Variants in GABBR2 observed in about 807,000 individuals in gnomAD.
GABBR2 encodes G-protein coupled receptor 51.
A neutral mutation model predicts 105.6 loss-of-function variants in GABBR2; 23 were observed. The ratio of observed to expected loss-of-function variants is 0.22; its 90% CI spans 0.16 to 0.31. GABBR2 has a LOEUF of 0.31. GABBR2 is among the 10% of genes least tolerant of loss of function. The probability of loss-of-function intolerance (pLI) is 1.00; values close to 1 mark genes in which losing one functional copy is unlikely to be tolerated. For synonymous variants in GABBR2, 478 were observed against 499.7 expected, an observed-to-expected ratio of 0.96 and a Z score of 0.58; for missense variants, 734 against 1,245.5, an observed-to-expected ratio of 0.59 and a Z score of 6.18.
At chr9:98,630,748 T>A (rs1829805363) in intron 1 of GABBR2, among the ~76,000 whole-genome samples, 1 of 151,964 alleles carries the variant, frequency 6.6e-6, no homozygotes. Context: ...AAGTCTCTGT[T>A]AAAAAAATGA....
intron 13 of GABBR2, among the ~76,000 whole-genome samples, chr9:98,347,664 G>A (rs509964): frequency 0.54 from 82,032 of 152,004 alleles, 24,544 homozygotes; most frequent in Admixed American, 0.66. Context: ...ATGTTTTGAA[G>A]CATTTCCCCT....
intron 4 of GABBR2, among the ~76,000 whole-genome samples, chr9:98,486,059 C>T (rs1474771548): frequency 6.6e-6 from 1 of 152,216 alleles, no homozygotes; most frequent in Admixed American, 6.5e-5. Context: ...GCTCCTCCTG[C>T]CTCATCCTGC....
intron 6 of GABBR2, among the ~76,000 whole-genome samples, chr9:98,472,631 T>C (rs1464639282): frequency 6.6e-6 from 1 of 152,204 alleles, no homozygotes; most frequent in African/African-American, 2.4e-5. Flanking sequence ...CCTAAAAATA[T>C]ATATCCACAC....
intron 14 of GABBR2, among the ~76,000 whole-genome samples, chr9:98,309,395 T>G (rs1564011009): frequency 6.6e-6 from 1 of 152,318 alleles, no homozygotes; most frequent in East Asian, 1.9e-4. Flanking sequence ...GATGGAAGGA[T>G]CACGGAGACA....
chr9:98,563,893 GA>G (rs542610241), intron 2 of GABBR2, among the ~76,000 whole-genome samples: 1 of 151,958 alleles, frequency 6.6e-6, no homozygotes, highest in Non-Finnish European at 1.5e-5. Context: ...GCTCTATTTA[GA>G]AAAAAAATCA....
intron 15 of GABBR2, 32 bp from the exon 16 acceptor site, chr9:98,303,455 G>C: frequency 1.3e-6 from 2 of 1,598,246 alleles, no homozygotes. Flanking sequence ...CGGGGTTGAA[G>C]AGAGAGCCTT....
intron 13 of GABBR2, among the ~76,000 whole-genome samples, chr9:98,331,456 C>T (rs1831024945): frequency 6.9e-6 from 1 of 144,460 alleles, no homozygotes; most frequent in Admixed American, 7.1e-5. Context: ...GAGCAGCCAC[C>T]TCCTCTGCGT....
At chr9:98,662,477 TTAG>T (rs1830276754) in intron 1 of GABBR2, among the ~76,000 whole-genome samples, 1 of 152,156 alleles carries the variant, frequency 6.6e-6, no homozygotes, top group South Asian at 2.1e-4. Context: ...AAGACACTTC[TTAG>T]TAGCATATAA....
intron 7 of GABBR2, among the ~76,000 whole-genome samples, chr9:98,421,364 T>C (rs912167390): frequency 1.3e-5 from 2 of 151,982 alleles, no homozygotes; most frequent in Non-Finnish European, 2.9e-5. Context: ...CAGGAAACAA[T>C]GTACAATCTT....
intron 3 of GABBR2, among the ~76,000 whole-genome samples, chr9:98,516,816 G>C (rs1022688726): frequency 1.3e-5 from 2 of 152,166 alleles, no homozygotes; most frequent in African/African-American, 4.8e-5. Flanking sequence ...CAGAGTTTAG[G>C]GCAGCAGCTT....
At chr9:98,699,581 C>T (rs1406660050) in intron 1 of GABBR2, among the ~76,000 whole-genome samples, 1 of 152,136 alleles carries the variant, frequency 6.6e-6, no homozygotes, top group Non-Finnish European at 1.5e-5. Flanking sequence ...TGTGCCTGGC[C>T]CTGAGATAGT....
chr9:98,344,731 T>C (rs1339635367), intron 13 of GABBR2, among the ~76,000 whole-genome samples: 1 of 152,166 alleles, frequency 6.6e-6, no homozygotes, highest in Non-Finnish European at 1.5e-5. Flanking sequence ...AATCACTCAG[T>C]GATTCCCGGG....
At chr9:98,583,141 G>A (rs911518679) in intron 1 of GABBR2, among the ~76,000 whole-genome samples, 2 of 152,218 alleles carry the variant, frequency 1.3e-5, no homozygotes, top group African/African-American at 4.8e-5. Flanking sequence ...TGGGCACCAA[G>A]CATGCTTCCC....
At chr9:98,417,033 C>T (rs1158302322) in intron 7 of GABBR2, among the ~76,000 whole-genome samples, 1 of 152,188 alleles carries the variant, frequency 6.6e-6, no homozygotes, top group African/African-American at 2.4e-5. Context: ...GCTCCCGGCT[C>T]CTTCCTCCAC....
chr9:98,538,235 G>T (rs1490338886), intron 3 of GABBR2, among the ~76,000 whole-genome samples: 1 of 152,170 alleles, frequency 6.6e-6, no homozygotes. Flanking sequence ...ATGAGGCCTA[G>T]GATCTCACAG....
intron 6 of GABBR2, among the ~76,000 whole-genome samples, chr9:98,463,597 CTCTCCG>C (rs1161697396): frequency 2.2e-5 from 1 of 45,238 alleles, no homozygotes; most frequent in Non-Finnish European, 6.3e-5. Flanking sequence ...CGCCCTCTCG[CTCTCCG>C]TCTCGCTCTC....
intron 1 of GABBR2, among the ~76,000 whole-genome samples, chr9:98,595,163 T>C (rs1227816670): frequency 6.6e-6 from 1 of 152,110 alleles, no homozygotes; most frequent in East Asian, 1.9e-4. Flanking sequence ...AGATTTGGTG[T>C]CTAGTGAAGG....
At chr9:98,661,032 A>T (rs1200018489) in intron 1 of GABBR2, among the ~76,000 whole-genome samples, 2 of 152,116 alleles carry the variant, frequency 1.3e-5, no homozygotes, top group Non-Finnish European at 2.9e-5. Flanking sequence ...CAGCCTCCGG[A>T]GTAGCTGGGA....
chr9:98,453,584 A>G (rs1391940495), intron 7 of GABBR2, among the ~76,000 whole-genome samples: 1 of 152,228 alleles, frequency 6.6e-6, no homozygotes, highest in Non-Finnish European at 1.5e-5. Context: ...TGACAAAAAA[A>G]CTTTTCACAT....
Sources: gnomAD v4.1 joint callset for allele counts (sites outside exome capture counted in the v4.1 genomes callset) on GRCh38, gnomAD v4.1.1 for gene constraint, MANE v1.5 for transcripts, NCBI Gene and HGNC (gene_info 2026-07-23, HGNC 2026-07-21) for gene names.